Variants in GSN observed in about 807,000 individuals in gnomAD.
GSN encodes the protein actin-depolymerizing factor.
In GSN, 56 loss-of-function variants were observed where a neutral mutation model predicts 85.7. The ratio of observed to expected loss-of-function variants is 0.65; its 90% CI spans 0.53 to 0.82. GSN has a LOEUF of 0.82. Among genes scored for constraint, GSN ranks in the 40% least tolerant of loss-of-function variants. The pLI, the probability that GSN is intolerant of heterozygous loss-of-function variation, is 0.00. For synonymous variants in GSN, 373 were observed against 399.1 expected (o/e 0.93, Z 0.78); for missense variants, 857 against 979.8 (o/e 0.87, Z 1.67).
At chr9:121,282,567 G>A in intron 2 of GSN, 1 of 1,208,214 alleles carries the variant, frequency 8.3e-7, no homozygotes, top group Non-Finnish European at 1.1e-6. Flanking sequence ...GGGCTTTTTG[G>A]TGGTCCCCAG....
At chr9:121,312,567 G>T in intron 6 of GSN, 79 bp downstream of exon 6, 5 of 1,054,528 alleles carry the variant, frequency 4.7e-6, no homozygotes, top group East Asian at 3.0e-5. Context: ...GCAATTTGAG[G>T]TGAATTTGAG....
intron 2 of GSN, among the ~76,000 whole-genome samples, chr9:121,296,736 C>T (rs74447537): frequency 1.3e-5 from 2 of 152,304 alleles, no homozygotes; most frequent in Non-Finnish European, 2.9e-5. Context: ...ACATCTTCTT[C>T]CAGGCTGGAA....
Position 121,318,991 on chromosome 9 carries a change from A to G in GSN, c.1191+111A>G. 2 of 868,746 alleles carry G rather than the reference A, an allele frequency of 2.3e-6. No homozygotes were observed. The highest frequency in any genetic ancestry group is 3.8e-6 in the Non-Finnish European group (2 of 532,180). The allele number at this position is 868,746 out of a possible 1,614,324, so 53.8% of individuals were successfully genotyped here. A position where few individuals can be genotyped will look rare whatever the true frequency, so the allele number is the denominator to read the frequency against. On this transcript the variant is annotated intron_variant, in intron 10 of 17. Transcript: ENST00000432226. The surrounding 1 kb of genome is among the most constrained non-coding windows in gnomAD (Gnocchi z 4.3). The stretch of plus-strand genomic sequence containing the variant: ...TCTCTGAGGTTTGCACAACTTTGGT[A>G]GCTGAGATTCTTTGGTGTTACTTAG...
At chr9:121,287,129 A>G (rs186845135) in intron 2 of GSN, among the ~76,000 whole-genome samples, 95 of 152,158 alleles carry the variant, frequency 6.2e-4, no homozygotes, top group Non-Finnish European at 9.6e-4. Context: ...CCCTGGGCCT[A>G]TTCTCTTCCC....
intron 4 of GSN, among the ~76,000 whole-genome samples, chr9:121,221,656 C>A (rs569312457): frequency 6.6e-6 from 1 of 152,288 alleles, no homozygotes; most frequent in African/African-American, 2.4e-5. Flanking sequence ...CGGTTCCCTC[C>A]CCTCTTCAGG....
chr9:121,300,175 G>C, intron 2 of GSN: 1 of 1,290,826 alleles, frequency 7.7e-7, no homozygotes, highest in Non-Finnish European at 1.1e-6. Context: ...GACGAGGGTG[G>C]GAGCCTCGGG....
chr9:121,245,557 C>A (rs1402453028), intron 5 of GSN, among the ~76,000 whole-genome samples: 1 of 152,132 alleles, frequency 6.6e-6, no homozygotes, highest in African/African-American at 2.4e-5. Flanking sequence ...GACAAGGTCT[C>A]ACTTTGTTGC....
intron 5 of GSN, among the ~76,000 whole-genome samples, chr9:121,237,770 G>T (rs892523855): frequency 6.6e-6 from 1 of 152,176 alleles, no homozygotes; most frequent in Non-Finnish European, 1.5e-5. Flanking sequence ...TCTTGAGGAG[G>T]TTGAGAGGTA....
intron 6 of GSN, among the ~76,000 whole-genome samples, chr9:121,253,548 C>T (rs942733840): frequency 5.9e-5 from 9 of 152,152 alleles, no homozygotes; most frequent in African/African-American, 9.7e-5. Context: ...CCTGGAGTCA[C>T]GGGACAGGTT....
At chr9:121,310,903 G>A (rs2061049099) in intron 5 of GSN, 58 bp downstream of exon 5, 1 of 1,510,228 alleles carries the variant, frequency 6.6e-7, no homozygotes, top group Non-Finnish European at 9.2e-7. Context: ...TCTGATCAGG[G>A]ACTTGGGTAC....
At chr9:121,257,027 T>A (rs2054977587) in intron 6 of GSN, among the ~76,000 whole-genome samples, 1 of 151,986 alleles carries the variant, frequency 6.6e-6, no homozygotes, top group South Asian at 2.1e-4. Flanking sequence ...AAAAGAGAAA[T>A]GTTTGAGGCA....
At chr9:121,204,324 G>A (rs1313576961), upstream of GSN, among the ~76,000 whole-genome samples, 2 of 152,216 alleles carry the variant, frequency 1.3e-5, no homozygotes, top group Admixed American at 1.3e-4. Context: ...GCTGTACTAA[G>A]CCCTATTCCA....
intron 7 of GSN, among the ~76,000 whole-genome samples, chr9:121,316,564 G>A (rs1297200593): frequency 6.6e-6 from 1 of 152,062 alleles, no homozygotes; most frequent in Non-Finnish European, 1.5e-5. Context: ...CCGACATCCT[G>A]GGCTCAAGTG....
chr9:121,312,752 C>T (rs550328032), intron 6 of GSN: 25 of 271,824 alleles, frequency 9.2e-5, no homozygotes, highest in East Asian at 3.9e-4. Flanking sequence ...CTCAGCCTCC[C>T]GAGTAGCTGG....
intron 1 of GSN, among the ~76,000 whole-genome samples, chr9:121,274,679 G>A (rs1000405059): frequency 6.6e-6 from 1 of 152,196 alleles, no homozygotes; most frequent in African/African-American, 2.4e-5. Context: ...GCAGAGCAGG[G>A]TAGGGGTCAG....
chr9:121,240,281 G>T (rs1373243406), intron 5 of GSN, among the ~76,000 whole-genome samples: 1 of 152,160 alleles, frequency 6.6e-6, no homozygotes, highest in African/African-American at 2.4e-5. Context: ...CATCCTAGAG[G>T]ACAGGACTTC....
At chr9:121,279,134 C>G (rs1338468097) in intron 1 of GSN, among the ~76,000 whole-genome samples, 1 of 151,876 alleles carries the variant, frequency 6.6e-6, no homozygotes, top group African/African-American at 2.4e-5. Context: ...GTGTGGAGGT[C>G]TGTACGGAGA....
At chr9:121,273,669 TTC>T (rs1170937767) in intron 1 of GSN, among the ~76,000 whole-genome samples, 1 of 152,220 alleles carries the variant, frequency 6.6e-6, no homozygotes, top group Admixed American at 6.5e-5. Flanking sequence ...TGTTCTGACT[TTC>T]TGTTTTTTCT....
intron 6 of GSN, among the ~76,000 whole-genome samples, chr9:121,251,859 G>C (rs2054844880): frequency 6.6e-6 from 1 of 152,078 alleles, no homozygotes. Flanking sequence ...TACTCAGGAG[G>C]CTGAGGCAGG....
Sources: gnomAD v4.1 joint callset for allele counts (sites outside exome capture counted in the v4.1 genomes callset) on GRCh38, gnomAD v4.1.1 for gene constraint, Gnocchi (gnomAD v3.1) non-coding constraint, MANE v1.5 for transcripts, NCBI Gene and HGNC (gene_info 2026-07-23, HGNC 2026-07-21) for gene names.